CNTNAP4: variants seen among roughly 807,000 people sequenced by gnomAD.
CNTNAP4 encodes contactin associated protein family member 4.
Under a neutral mutation model 148.4 loss-of-function variants are expected in CNTNAP4, and 98 were observed. The observed-to-expected ratio is 0.66, with a 90% CI of 0.56 to 0.78. The LOEUF (loss-of-function observed/expected upper bound fraction) is 0.78. CNTNAP4 is among the 30% of genes least tolerant of loss of function. CNTNAP4 has a pLI of 0.00. For synonymous variants in CNTNAP4, 730 were observed against 565.1 expected, an observed-to-expected ratio of 1.29 and a Z score of -4.14; for missense variants, 1,935 against 1,565.6, an observed-to-expected ratio of 1.24 and a Z score of -3.98.
intron 10 of CNTNAP4, among the ~76,000 whole-genome samples, chr16:76,467,900 A>G (rs1442108680): frequency 1.3e-5 from 2 of 152,212 alleles, no homozygotes; most frequent in Admixed American, 6.5e-5. Context: ...ATTTGAGACT[A>G]TGTAGTCAGT....
rs1244541394 is a variant in CNTNAP4 at position 76,547,505 on chromosome 16, ATGG to A, written c.3443-5773_3443-5771del. Among the ~76,000 whole-genome samples, 3 of 152,178 alleles carry A rather than the reference ATGG, an allele frequency of 2.0e-5. No individual in the cohort carries two copies. The East Asian group carries it at 5.8e-4, about 29-fold the overall frequency. On this transcript the variant is annotated intron_variant, in intron 21 of 23. Transcript: ENST00000611870. ...ACTAACAATAATGTGTTGATAATTC[ATGG>A]TGGTAGCAGTAAAAACCAGGTTGCA...
chr16:76,468,356 C>G (rs997034085), intron 10 of CNTNAP4, among the ~76,000 whole-genome samples: 1 of 152,022 alleles, frequency 6.6e-6, no homozygotes, highest in Non-Finnish European at 1.5e-5. Flanking sequence ...TGCCTGTAAT[C>G]CCAGCTACTC....
At chr16:76,517,008 G>GA (rs2083278269) in intron 15 of CNTNAP4, among the ~76,000 whole-genome samples, 1 of 152,150 alleles carries the variant, frequency 6.6e-6, no homozygotes, top group South Asian at 2.1e-4. Context: ...AGGTTGCAGT[G>GA]GCCAATATTG....
intron 2 of CNTNAP4, among the ~76,000 whole-genome samples, chr16:76,341,631 A>G (rs1964476585): frequency 6.6e-6 from 1 of 152,208 alleles, no homozygotes; most frequent in African/African-American, 2.4e-5. Flanking sequence ...AAGTTTAACA[A>G]ATCTATAGGG....
intron 10 of CNTNAP4, among the ~76,000 whole-genome samples, chr16:76,475,284 A>G (rs1028865444): frequency 4.6e-5 from 7 of 152,232 alleles, no homozygotes; most frequent in Non-Finnish European, 8.8e-5. Flanking sequence ...CCCCAAAGAT[A>G]GGATGTGATT....
At chr16:76,428,726 A>G (rs1412126487) in intron 4 of CNTNAP4, among the ~76,000 whole-genome samples, 1 of 152,100 alleles carries the variant, frequency 6.6e-6, no homozygotes, top group Non-Finnish European at 1.5e-5. Context: ...TACTAATAAA[A>G]GTATTAATAT....
rs111550869 is a variant in CNTNAP4 at position 76,452,818 on chromosome 16, A to G, written c.1333+49A>G. On this transcript the variant is annotated intron_variant, in intron 8 of 23. Coordinates refer to ENST00000611870, the MANE Select transcript of CNTNAP4 (RefSeq NM_033401.5). ...AAAGCATATGGATTTGAAAGATTTC[A>G]TTATCTCTGTGGCCAAATTTTATGC... 24 of 1,465,328 alleles carry G rather than the reference A, an allele frequency of 1.6e-5. No individual in the cohort carries two copies. In the African/African-American group the frequency reaches 2.0e-4, roughly 12 times the overall value. The allele number at this position is 1,465,328 out of a possible 1,614,324, so 90.8% of individuals were successfully genotyped here.
At chr16:76,522,766 C>G (rs1014533596) in intron 17 of CNTNAP4, among the ~76,000 whole-genome samples, 1 of 87,208 alleles carries the variant, frequency 1.1e-5, no homozygotes, top group Admixed American at 1.3e-4. Context: ...CTTTTCTTTT[C>G]TTTTCTTTTC....
At chr16:76,474,146 G>A (rs1279499096) in intron 10 of CNTNAP4, among the ~76,000 whole-genome samples, 1 of 152,148 alleles carries the variant, frequency 6.6e-6, no homozygotes, top group Non-Finnish European at 1.5e-5. Context: ...GAGGCCATCT[G>A]TGTTTGCTTC....
intron 1 of CNTNAP4, among the ~76,000 whole-genome samples, chr16:76,294,983 G>C (rs898105836): frequency 4.6e-5 from 7 of 152,142 alleles, no homozygotes; most frequent in Admixed American, 1.3e-4. Context: ...GTGCTTATAG[G>C]GGGGCCGGTG....
rs1597067462 is a variant in CNTNAP4, at chr16:76,526,848, A to AT, written c.2755+4597dup. Among the ~76,000 whole-genome samples, 5 of 151,690 alleles carry AT rather than the reference A, an allele frequency of 3.3e-5. No individual in the cohort carries two copies. The South Asian group carries it at 8.3e-4, about 25-fold the overall frequency. On this transcript the variant is annotated intron_variant, in intron 17 of 23. Transcript: ENST00000611870. ...GCCACCACGCTTGGCTAATTTTTGT[A>AT]TTTTTTATAGAAACAGGGTTTTGAT...
chr16:76,444,836 G>A (rs1035490615), intron 4 of CNTNAP4, among the ~76,000 whole-genome samples: 3 of 151,848 alleles, frequency 2.0e-5, no homozygotes, highest in East Asian at 1.9e-4. Flanking sequence ...TAATGTACTC[G>A]CATTGTGAAT....
Position 76,535,584 on chromosome 16 carries a change from T to TTCGGTCTC in CNTNAP4, c.2797_2804dup (p.Gln936GlyfsTer5). The TTCGGTCTC allele has an allele frequency of 6.2e-7, 1 of 1,612,716 alleles. No homozygotes were observed. Among genetic ancestry groups the TTCGGTCTC allele is most frequent in the Non-Finnish European group, 8.5e-7 (1 of 1,179,962 alleles). ...AGACAGAGAGGCTTTCTGGGCTGCATTCGGTCTCTGCAGTTGAATGGGATG... is the reference window on the plus strand; with the variant it reads ...AGACAGAGAGGCTTTCTGGGCTGCATTCGGTCTCTCGGTCTCTGCAGTTGAATGGGATG... On this transcript the variant is annotated frameshift_variant, in exon 18 of 24. Coordinates refer to ENST00000611870, the MANE Select transcript of CNTNAP4 (RefSeq NM_033401.5). LOFTEE classifies it high-confidence loss of function.
chr16:76,458,376 C>T (rs1032208154), intron 8 of CNTNAP4, among the ~76,000 whole-genome samples: 1 of 151,992 alleles, frequency 6.6e-6, no homozygotes, highest in Non-Finnish European at 1.5e-5. Flanking sequence ...CAGGATCATT[C>T]GAGCAAATTA....
At chr16:76,316,810 A>G (rs1288068313) in intron 2 of CNTNAP4, among the ~76,000 whole-genome samples, 1 of 152,202 alleles carries the variant, frequency 6.6e-6, no homozygotes, top group Non-Finnish European at 1.5e-5. Context: ...CACATTAGTG[A>G]TGAAACCTTA....
Position 76,551,080 on chromosome 16 carries a change from G to T in CNTNAP4, c.3443-2203G>T, listed in dbSNP as rs181901696. ...ATTTTTATTATTACGTAGAAAACAT[G>T]AATGAAAATAGAGCCCCTCAAAATT... On this transcript the variant is annotated intron_variant, in intron 21 of 23. Transcript: ENST00000611870. Among the ~76,000 whole-genome samples, 5 of 152,182 alleles carry T rather than the reference G, an allele frequency of 3.3e-5. No homozygotes were observed. In the East Asian group the frequency reaches 9.7e-4, roughly 29 times the overall value.
At position 76,334,376 on chromosome 16, in the gene CNTNAP4, C is replaced by T. The variant is rs74026712; in HGVS notation, c.196+17853C>T. Reference sequence around the variant, plus strand: ...GGTCTGTGTTGGGGCACCACTTAGCCAGGCCATATAAAACTCTGCCTTATC... The same window carrying T: ...GGTCTGTGTTGGGGCACCACTTAGCTAGGCCATATAAAACTCTGCCTTATC... On this transcript the variant is annotated intron_variant, in intron 2 of 23. Coordinates refer to ENST00000611870, the MANE Select transcript of CNTNAP4 (RefSeq NM_033401.5). Among the ~76,000 whole-genome samples, 1,267 of 152,126 alleles carry T rather than the reference C, an allele frequency of 8.3e-3. 17 individuals carry two copies. Among genetic ancestry groups the T allele is most frequent in the African/African-American group, 0.029 (1,216 of 41,486 alleles).
chr16:76,441,364 A>G (rs1299386543), intron 4 of CNTNAP4, among the ~76,000 whole-genome samples: 2 of 152,122 alleles, frequency 1.3e-5, no homozygotes, highest in Non-Finnish European at 2.9e-5. Flanking sequence ...ATATTTGAAT[A>G]TTTTCTATTG....
At chr16:76,324,716 C>G (rs1394566946) in intron 2 of CNTNAP4, among the ~76,000 whole-genome samples, 3 of 152,102 alleles carry the variant, frequency 2.0e-5, no homozygotes, top group Non-Finnish European at 4.4e-5. Flanking sequence ...TGTTAGGGCC[C>G]TTTTGCTGGC....
Sources: allele counts gnomAD v4.1 joint callset (sites outside exome capture counted in the v4.1 genomes callset), GRCh38; gene constraint gnomAD v4.1.1; transcripts MANE v1.5; gene names NCBI Gene and HGNC (gene_info 2026-07-23, HGNC 2026-07-21).